The following NPHP4 variants were observed in gnomAD, a reference collection of about 807,000 sequenced individuals.
NPHP4 encodes the protein nephrocystin-4.
NPHP4 carries 151 observed loss-of-function variants against 155.8 expected under a neutral mutation model. That is an observed-to-expected ratio of 0.97 (90% CI 0.85 to 1.11). NPHP4 has a LOEUF of 1.11. Ranked by LOEUF, NPHP4 falls within the 50% of genes least tolerant of loss-of-function variation. The probability of loss-of-function intolerance (pLI) is 0.00; values close to 1 mark genes in which losing one functional copy is unlikely to be tolerated. For missense variants in NPHP4, 1,956 were observed against 1,925.7 expected (o/e 1.02, Z -0.29); for synonymous variants, 845 against 816.8 (o/e 1.03, Z -0.59).
Position 5,944,709 on chromosome 1 carries a change from TCTGGAAC to T in NPHP4, c.1119+2388_1119+2394del, listed in dbSNP as rs1422716080. Among the ~76,000 whole-genome samples, 1 of 152,094 alleles carries T rather than the reference TCTGGAAC, an allele frequency of 6.6e-6. No homozygotes were observed. Among genetic ancestry groups the T allele is most frequent in the Admixed American group, 6.5e-5 (1 of 15,280 alleles). Reference sequence around the variant, plus strand: ...GACTGGCCGGGCGCGGTGGTTCACGTCTGGAACCTGAGCACTTTGGGAGGCCAAGGAG... The same window carrying T: ...GACTGGCCGGGCGCGGTGGTTCACGTCTGAGCACTTTGGGAGGCCAAGGAG... On this transcript the variant is annotated intron_variant, in intron 9 of 29. Transcript: ENST00000378156. The surrounding 1 kb of genome is among the most constrained non-coding windows in gnomAD (Gnocchi z 4.3).
At chr1:5,963,669 G>T (rs1450201927) in intron 5 of NPHP4, among the ~76,000 whole-genome samples, 1 of 148,926 alleles carries the variant, frequency 6.7e-6, no homozygotes, top group Non-Finnish European at 1.5e-5. Context: ...ACTGCAACGG[G>T]GTTTCCAACC....
intron 6 of NPHP4, among the ~76,000 whole-genome samples, chr1:5,958,685 A>G (rs1420100147): frequency 6.9e-6 from 1 of 144,676 alleles, no homozygotes; most frequent in East Asian, 2.0e-4. Flanking sequence ...ACAGAGCAAG[A>G]CTGTCTCAAA....
At chr1:5,952,658 C>T (rs906428614) in intron 7 of NPHP4, 42 bp downstream of exon 7, 1 of 1,317,718 alleles carries the variant, frequency 7.6e-7, no homozygotes, top group Non-Finnish European at 1.0e-6. Context: ...CCCACCCCTG[C>T]CTGGCCCCAC....
rs1216011142 is a variant in NPHP4 at position 5,933,441 on chromosome 1, G to C, written c.1120-112C>G. ...ATTCAACGAGAGCTCAGTGTAGCAA[G>C]GGGCAGGGATCATCAGTTGCATTTT... On this transcript the variant is annotated intron_variant, in intron 9 of 29. Transcript: ENST00000378156. 16 of 830,756 alleles carry C rather than the reference G, an allele frequency of 1.9e-5. No homozygotes were observed. In the East Asian group the frequency reaches 4.0e-4, roughly 21 times the overall value. 51.5% of individuals were successfully genotyped at this position (830,756 alleles called of 1,614,324 possible).
chr1:5,960,723 G>A (rs1570648921), intron 6 of NPHP4, among the ~76,000 whole-genome samples: 1 of 152,264 alleles, frequency 6.6e-6, no homozygotes, highest in South Asian at 2.1e-4. Context: ...GAAGAAGCAT[G>A]CAGCCCAGGC....
chr1:5,921,588 C>G (rs1338900164), intron 11 of NPHP4, among the ~76,000 whole-genome samples: 1 of 152,186 alleles, frequency 6.6e-6, no homozygotes, highest in African/African-American at 2.4e-5. Flanking sequence ...AGCATGTTTT[C>G]ATTTGTTTAT....
At chr1:5,902,075 T>C (rs535491472) in intron 16 of NPHP4, among the ~76,000 whole-genome samples, 82 of 152,336 alleles carry the variant, frequency 5.4e-4, no homozygotes, top group Non-Finnish European at 8.8e-4. Context: ...CACACCTCTA[T>C]GCAAAGGAAC....
At chr1:5,883,599 C>T (rs1247344747) in intron 18 of NPHP4, among the ~76,000 whole-genome samples, 2 of 152,256 alleles carry the variant, frequency 1.3e-5, no homozygotes, top group Admixed American at 1.3e-4. Context: ...CACCCAGCAC[C>T]TCCATTCACT....
chr1:5,906,105 A>G (rs1252706440), intron 13 of NPHP4, among the ~76,000 whole-genome samples: 1 of 152,196 alleles, frequency 6.6e-6, no homozygotes, highest in Admixed American at 6.5e-5. Context: ...GGGAATCCTA[A>G]TTTTATGAGC....
chr1:5,949,414 T>G (rs536137477), intron 7 of NPHP4, among the ~76,000 whole-genome samples: 1 of 147,458 alleles, frequency 6.8e-6, no homozygotes, highest in South Asian at 2.1e-4. Context: ...CCTGAATCAT[T>G]CATTCTCACA....
intron 2 of NPHP4, among the ~76,000 whole-genome samples, chr1:5,979,330 G>C (rs1311581716): frequency 2.0e-5 from 3 of 151,936 alleles, no homozygotes; most frequent in African/African-American, 7.3e-5. Context: ...AGAGAGGTGG[G>C]TGGGGCGGGG....
chr1:5,888,818 C>T (rs897407139), intron 17 of NPHP4, among the ~76,000 whole-genome samples: 4 of 152,182 alleles, frequency 2.6e-5, no homozygotes, highest in Non-Finnish European at 4.4e-5. Flanking sequence ...GCTGAGCCTT[C>T]GGGCCAAACC....
Position 5,880,095 on chromosome 1 carries a change from C to T in NPHP4, c.2611+19G>A. On this transcript the variant is annotated intron_variant, in intron 19 of 29. Transcript: ENST00000378156. The stretch of plus-strand genomic sequence containing the variant: ...CACTCACGACCCACCCACACATGGG[C>T]CCAACAGTGTAAACTCACGCCTTGA... 6.2e-7 allele frequency: 1 copy of T among 1,613,556 alleles called. No homozygotes were observed. The highest frequency in any genetic ancestry group is 8.5e-7 in the Non-Finnish European group (1 of 1,179,676).
At chr1:5,951,712 T>C (rs1648102752) in intron 7 of NPHP4, among the ~76,000 whole-genome samples, 1 of 152,202 alleles carries the variant, frequency 6.6e-6, no homozygotes, top group Non-Finnish European at 1.5e-5. Flanking sequence ...CAAGGACAGA[T>C]TATCGCCTAG....
At chr1:5,880,031 GCACA>G (rs140612295) in intron 19 of NPHP4, 79 bp downstream of exon 19, 185 of 1,328,754 alleles carry the variant, frequency 1.4e-4, no homozygotes, top group Non-Finnish European at 1.8e-4. Flanking sequence ...ACACACGCAT[GCACA>G]CACACACACA....
intron 8 of NPHP4, among the ~76,000 whole-genome samples, chr1:5,947,497 C>A (rs139594349): frequency 2.1e-3 from 313 of 152,348 alleles, no homozygotes; most frequent in Non-Finnish European, 3.5e-3. Context: ...CCCGCCTCAG[C>A]CTCTCATTGC....
At chr1:5,969,369 G>A (rs74049329) in intron 3 of NPHP4, 110 bp from the exon 4 acceptor site, 15 of 617,776 alleles carry the variant, frequency 2.4e-5, no homozygotes, top group Admixed American at 9.2e-5. Flanking sequence ...CACAGCATCC[G>A]GAACCCTCTA....
At position 5,927,710 on chromosome 1, in the gene NPHP4, C is replaced by T. The variant is rs367632543; in HGVS notation, c.1380G>A (p.Glu460=). Reference sequence around the variant, plus strand: ...GCTCCACTTTGGGGCCACTGACAGGCTCCGTGGGTGCATCCAGGTGTTCTT... The same window carrying T: ...GCTCCACTTTGGGGCCACTGACAGGTTCCGTGGGTGCATCCAGGTGTTCTT... ...GSEEHLDAPT[E]PVSGPKVERR... is the part of the protein sequence containing the mutation. The change falls in exon 11 of 30, where the codon GAG becomes GAA. Residue 460 remains glutamate, a synonymous_variant. Transcript: ENST00000378156. 6.2e-7 allele frequency: 1 copy of T among 1,613,590 alleles called. No individual in the cohort carries two copies. Among genetic ancestry groups the T allele is most frequent in the Non-Finnish European group, 8.5e-7 (1 of 1,179,584 alleles).
chr1:5,926,423 G>C (rs1346831941), intron 11 of NPHP4, among the ~76,000 whole-genome samples: 2 of 152,118 alleles, frequency 1.3e-5, no homozygotes, highest in Non-Finnish European at 2.9e-5. Context: ...GTAGGTCCAT[G>C]GTTTCTGCAT....
Sources: allele counts gnomAD v4.1 joint callset (sites outside exome capture counted in the v4.1 genomes callset), GRCh38; gene constraint gnomAD v4.1.1; non-coding constraint Gnocchi (gnomAD v3.1); transcripts MANE v1.5; gene names NCBI Gene and HGNC (gene_info 2026-07-23, HGNC 2026-07-21).